MARCHF10: variants seen among roughly 807,000 people sequenced by gnomAD.
The protein encoded by MARCHF10 is membrane associated ring-CH-type finger 10, also known as probable E3 ubiquitin-protein ligase MARCHF10.
In MARCHF10, 64 loss-of-function variants were observed where a neutral mutation model predicts 76.2. The observed-to-expected ratio is 0.84, with a 90% CI of 0.69 to 1.03. MARCHF10 has a LOEUF of 1.03. Among genes scored for constraint, MARCHF10 ranks in the 50% least tolerant of loss-of-function variants. The pLI is 0.00. For missense variants in MARCHF10, 875 were observed against 958.0 expected (o/e 0.91, Z 1.14); for synonymous variants, 340 against 357.5 (o/e 0.95, Z 0.55).
intron 3 of MARCHF10, among the ~76,000 whole-genome samples, chr17:62,766,807 G>T (rs998145757): frequency 9.9e-5 from 15 of 152,148 alleles, no homozygotes; most frequent in Admixed American, 8.5e-4. Flanking sequence ...ACCGTGCTAG[G>T]CTCTGTGAAG....
chr17:62,722,400 T>C, intron 8 of MARCHF10, 88 bp downstream of exon 8: 2 of 900,994 alleles, frequency 2.2e-6, no homozygotes, highest in South Asian at 3.2e-5. Flanking sequence ...ACCTTCTACA[T>C]TTCTTAGATC....
intron 2 of MARCHF10, 30 bp from the exon 3 acceptor site, chr17:62,788,629 C>T: frequency 6.2e-7 from 1 of 1,612,758 alleles, no homozygotes; most frequent in South Asian, 1.1e-5. Context: ...AAATGTTTGT[C>T]TTAGGACCAT....
chr17:62,706,702 G>T (rs1196602502), intron 9 of MARCHF10, among the ~76,000 whole-genome samples: 1 of 152,094 alleles, frequency 6.6e-6, no homozygotes, highest in Non-Finnish European at 1.5e-5. Flanking sequence ...CCTGCACCTA[G>T]CCTGAAGTTT....
chr17:62,709,682 C>T (rs1183517300), intron 9 of MARCHF10, among the ~76,000 whole-genome samples: 2 of 152,182 alleles, frequency 1.3e-5, no homozygotes, highest in Non-Finnish European at 2.9e-5. Context: ...CGAGAAATTA[C>T]TGAGATGCAA....
At chr17:62,721,614 CTG>C (rs2090490793) in intron 8 of MARCHF10, among the ~76,000 whole-genome samples, 1 of 152,182 alleles carries the variant, frequency 6.6e-6, no homozygotes, top group Non-Finnish European at 1.5e-5. Flanking sequence ...GGGTGATTAA[CTG>C]TTATCTCAGG....
At chr17:62,792,147 C>T (rs1265451777) in intron 2 of MARCHF10, among the ~76,000 whole-genome samples, 1 of 151,970 alleles carries the variant, frequency 6.6e-6, no homozygotes, top group Non-Finnish European at 1.5e-5. Context: ...CTAGTGCGTC[C>T]CCCTGACTAC....
chr17:62,738,101 A>AC lies in MARCHF10; in HGVS notation c.536-770dup, dbSNP rs2091364459. 2.5e-5 allele frequency among the ~76,000 whole-genome samples: 1 copy of AC among 40,182 alleles called. No homozygotes were observed. The highest frequency in any genetic ancestry group is 2.0e-4 in the Admixed American group (1 of 5,082). 26.4% of individuals were successfully genotyped at this position (40,182 alleles called of 152,430 possible). The stretch of plus-strand genomic sequence containing the variant: ...ACACACACACACACACACACACACA[A>AC]CTTAAGCCTCACAACCCTGTGAAAT... On this transcript the variant is annotated intron_variant, in intron 5 of 10. Coordinates refer to ENST00000311269, the MANE Select transcript of MARCHF10 (RefSeq NM_152598.4). The surrounding 1 kb of genome is among the most constrained non-coding windows in gnomAD (Gnocchi z 4.0).
intron 10 of MARCHF10, 106 bp downstream of exon 10, chr17:62,705,433 G>A: frequency 6.2e-7 from 1 of 1,604,488 alleles, no homozygotes; most frequent in Admixed American, 1.7e-5. Context: ...TTGCCTCTGG[G>A]TGGTGGTCAT....
At chr17:62,722,406 A>T in intron 8 of MARCHF10, 82 bp downstream of exon 8, 1 of 935,498 alleles carries the variant, frequency 1.1e-6, no homozygotes, top group Non-Finnish European at 1.7e-6. Flanking sequence ...TACATTTCTT[A>T]GATCAGGGAA....
At chr17:62,793,366 TC>T (rs1284095939) in intron 2 of MARCHF10, among the ~76,000 whole-genome samples, 3 of 92,750 alleles carry the variant, frequency 3.2e-5, no homozygotes, top group African/African-American at 1.3e-4. Flanking sequence ...CACACCTCCA[TC>T]AACCACCACC....
At chr17:62,734,962 G>A (rs1053615169) in intron 6 of MARCHF10, among the ~76,000 whole-genome samples, 1 of 152,172 alleles carries the variant, frequency 6.6e-6, no homozygotes, top group South Asian at 2.1e-4. Flanking sequence ...AAGGTCTCTT[G>A]CCCCTTAACC....
intron 2 of MARCHF10, among the ~76,000 whole-genome samples, chr17:62,796,077 T>G (rs1251525370): frequency 6.6e-6 from 1 of 151,812 alleles, no homozygotes; most frequent in Non-Finnish European, 1.5e-5. Context: ...TCATCTCGGC[T>G]CACCGCAACC....
At chr17:62,713,779 C>G (rs550907949) in intron 8 of MARCHF10, among the ~76,000 whole-genome samples, 1 of 152,012 alleles carries the variant, frequency 6.6e-6, no homozygotes, top group Non-Finnish European at 1.5e-5. Context: ...TTGACTCCCA[C>G]GTGGAGTTCC....
At chr17:62,796,086 C>A (rs2092980815) in intron 2 of MARCHF10, among the ~76,000 whole-genome samples, 1 of 151,774 alleles carries the variant, frequency 6.6e-6, no homozygotes, top group South Asian at 2.1e-4. Flanking sequence ...CTCACCGCAA[C>A]CTCCGCCTCC....
chr17:62,760,322 A>G (rs1395019780), intron 3 of MARCHF10, among the ~76,000 whole-genome samples: 2 of 152,230 alleles, frequency 1.3e-5, no homozygotes, highest in African/African-American at 4.8e-5. Context: ...TAAATAGCGC[A>G]TGTGCTTTTA....
intron 5 of MARCHF10, among the ~76,000 whole-genome samples, chr17:62,740,425 C>T (rs1387373172): frequency 6.6e-6 from 1 of 152,128 alleles, no homozygotes; most frequent in Admixed American, 6.5e-5. Context: ...TCCTACATTC[C>T]AACAGCCACA....
chr17:62,724,254 C>T (rs1190446476), intron 7 of MARCHF10, among the ~76,000 whole-genome samples: 5 of 146,016 alleles, frequency 3.4e-5, no homozygotes, highest in African/African-American at 1.3e-4. Flanking sequence ...ACCTTCTGTT[C>T]TCTGCCCAGA....
intron 2 of MARCHF10, among the ~76,000 whole-genome samples, chr17:62,792,773 TACC>T (rs1261623348): frequency 1.6e-4 from 5 of 31,638 alleles, no homozygotes; most frequent in African/African-American, 2.9e-4. Context: ...CCTCCATCAC[TACC>T]ACCACCACCT....
At chr17:62,723,364 G>T (rs976515668) in intron 7 of MARCHF10, among the ~76,000 whole-genome samples, 5 of 151,362 alleles carry the variant, frequency 3.3e-5, no homozygotes, top group Admixed American at 6.6e-5. Context: ...ATGATGTACT[G>T]GTGTTTATTT....
Sources: allele counts gnomAD v4.1 joint callset (sites outside exome capture counted in the v4.1 genomes callset), GRCh38; gene constraint gnomAD v4.1.1; non-coding constraint Gnocchi (gnomAD v3.1); transcripts MANE v1.5; gene names NCBI Gene and HGNC (gene_info 2026-07-23, HGNC 2026-07-21).